The following RAP1B variants were observed in gnomAD, a reference collection of about 807,000 sequenced individuals.
The protein encoded by RAP1B is RAP1B, member of RAS oncogene family.
Under a neutral mutation model 27.5 loss-of-function variants are expected in RAP1B, and 1 was observed. That is an observed-to-expected ratio of 0.04 (90% CI 0.01 to 0.17). The LOEUF (loss-of-function observed/expected upper bound fraction) is 0.17. Among genes scored for constraint, RAP1B ranks in the 10% least tolerant of loss-of-function variants. The probability of loss-of-function intolerance (pLI) is 1.00; values close to 1 mark genes in which losing one functional copy is unlikely to be tolerated. For missense variants in RAP1B, 84 were observed against 214.8 expected (o/e 0.39, Z 3.81); for synonymous variants, 75 against 73.1 (o/e 1.03, Z -0.13).
chr12:68,642,657 A>C, intron 1 of RAP1B: 1 of 1,133,250 alleles, frequency 8.8e-7, no homozygotes, highest in Non-Finnish European at 1.3e-6. Flanking sequence ...TGTTTCTCAT[A>C]TTCTACAATC....
chr12:68,628,440 AG>A, intron 1 of RAP1B, among the ~76,000 whole-genome samples: 1 of 152,322 alleles, frequency 6.6e-6, no homozygotes, highest in Middle Eastern at 3.4e-3. Context: ...TAATTTTGTA[AG>A]TTGCTTGGTA....
At chr12:68,611,667 G>A (rs1023174035) in intron 1 of RAP1B, among the ~76,000 whole-genome samples, 2 of 152,168 alleles carry the variant, frequency 1.3e-5, no homozygotes, top group Admixed American at 1.3e-4. Flanking sequence ...GCGGGAAGTG[G>A]CAGGAGGAAG....
Position 68,643,041 on chromosome 12 carries a change from C to T in RAP1B, c.-26-5658C>T, listed in dbSNP as rs1287078214. 1.8e-5 allele frequency: 13 copies of T among 721,244 alleles called. No homozygotes were observed. In the East Asian group the frequency reaches 3.2e-4, roughly 18 times the overall value. The allele number at this position is 721,244 out of a possible 1,614,324, so 44.7% of individuals were successfully genotyped here. A position where few individuals can be genotyped will look rare whatever the true frequency, so the allele number is the denominator to read the frequency against. ...GGCTGCCCACGGTCCACTGCAGCCG[C>T]CTTTAACTTCTTGAAGGTTGTTCAT... On this transcript the variant is annotated intron_variant, in intron 1 of 7. Coordinates refer to ENST00000250559, the MANE Select transcript of RAP1B (RefSeq NM_001010942.3).
rs564014575 is a variant in RAP1B, at chr12:68,665,269, G to C, written c.*6020G>C. The C allele has an allele frequency of 6.6e-6, 1 of 152,378 alleles. No individual in the cohort carries two copies. The highest frequency in any genetic ancestry group is 6.5e-5 in the Admixed American group (1 of 15,306). 9.4% of individuals were successfully genotyped at this position (152,378 alleles called of 1,614,324 possible). On this transcript the variant is annotated 3_prime_UTR_variant, in exon 8 of 8. Coordinates refer to ENST00000250559, the MANE Select transcript of RAP1B (RefSeq NM_001010942.3). ...AAAGCAACAGATTTGCCAGCTGTGT[G>C]AAAGATAACCCAGAGAGGGGTAATG...
intron 1 of RAP1B, among the ~76,000 whole-genome samples, chr12:68,626,529 A>G (rs900847348): frequency 9.9e-5 from 15 of 152,126 alleles, no homozygotes; most frequent in African/African-American, 3.6e-4. Context: ...CTTTGGAGGT[A>G]GTGTCTCATT....
intron 3 of RAP1B, chr12:68,650,962 AAATAG>A (rs1873773298): frequency 6.6e-6 from 1 of 152,382 alleles, no homozygotes; most frequent in Admixed American, 6.5e-5. Flanking sequence ...ATACATAATG[AAATAG>A]AATGGGACCC....
chr12:68,657,775 T>TACACACAC (rs1874324514), intron 7 of RAP1B: 1 of 103,686 alleles, frequency 9.6e-6, no homozygotes, highest in Non-Finnish European at 2.0e-5. Context: ...CACACACACG[T>TACACACAC]GCGCGCGTGC....
chr12:68,632,696 T>G (rs1872353376), intron 1 of RAP1B, among the ~76,000 whole-genome samples: 1 of 152,082 alleles, frequency 6.6e-6, no homozygotes, highest in Non-Finnish European at 1.5e-5. Flanking sequence ...GAGTAAATGG[T>G]GGCAGTGGTT....
chr12:68,642,823 GTAGT>G, intron 1 of RAP1B: 1 of 1,008,052 alleles, frequency 9.9e-7, no homozygotes, highest in Non-Finnish European at 1.6e-6. Context: ...CGTTGGCCTT[GTAGT>G]AAGCCCAGTC....
chr12:68,637,305 A>G (rs1273748315), intron 1 of RAP1B, among the ~76,000 whole-genome samples: 1 of 152,236 alleles, frequency 6.6e-6, no homozygotes, highest in East Asian at 1.9e-4. Context: ...AGATTAAGAC[A>G]CCAGCCTAGA....
At chr12:68,629,685 A>G (rs913783552) in intron 1 of RAP1B, among the ~76,000 whole-genome samples, 3 of 152,148 alleles carry the variant, frequency 2.0e-5, no homozygotes, top group Non-Finnish European at 4.4e-5. Flanking sequence ...TATCATCCTC[A>G]TGAATGATCT....
chr12:68,654,717 T>A (rs1358734880), intron 5 of RAP1B, among the ~76,000 whole-genome samples: 2 of 152,054 alleles, frequency 1.3e-5, no homozygotes, highest in African/African-American at 4.8e-5. Context: ...GACCTTGTGA[T>A]CCGCCTGCCT....
chr12:68,666,532 C>T lies in RAP1B; in HGVS notation c.*7283C>T, dbSNP rs979172655. ...ATGGCATTATGCCACATCACATGTG[C>T]CTCTATCTTTGTATCTCCTCCTCTC... On this transcript the variant is annotated 3_prime_UTR_variant, in exon 8 of 8. Coordinates refer to ENST00000250559, the MANE Select transcript of RAP1B (RefSeq NM_001010942.3). 5 of 152,168 alleles carry T rather than the reference C, an allele frequency of 3.3e-5. No individual in the cohort carries two copies. The highest frequency in any genetic ancestry group is 1.2e-4 in the African/African-American group (5 of 41,436). The allele number at this position is 152,168 out of a possible 1,614,324, so 9.4% of individuals were successfully genotyped here. A position where few individuals can be genotyped will look rare whatever the true frequency, so the allele number is the denominator to read the frequency against.
chr12:68,646,399 G>A (rs138037438), intron 1 of RAP1B, among the ~76,000 whole-genome samples: 62 of 152,008 alleles, frequency 4.1e-4, no homozygotes, highest in African/African-American at 1.2e-3. Flanking sequence ...GGGTTCACTC[G>A]ATTCTCCTGC....
At chr12:68,636,585 A>G (rs1189970373) in intron 1 of RAP1B, among the ~76,000 whole-genome samples, 3 of 152,122 alleles carry the variant, frequency 2.0e-5, no homozygotes, top group African/African-American at 7.2e-5. Context: ...GTACCACCAC[A>G]CCCAGCTACT....
Position 68,657,024 on chromosome 12 carries a change from G to GT in RAP1B, c.469-71dup, listed in dbSNP as rs1874253419. 8 of 1,233,772 alleles carry GT rather than the reference G, an allele frequency of 6.5e-6. No individual in the cohort carries two copies. In the African/African-American group the frequency reaches 7.6e-5, roughly 12 times the overall value. The allele number at this position is 1,233,772 out of a possible 1,614,324, so 76.4% of individuals were successfully genotyped here. Reference sequence around the variant, plus strand: ...TTAATTTATATCCATGGAAATTTCTGTTTTTTCAATTTACTTTTTTCATTG... The same window carrying GT: ...TTAATTTATATCCATGGAAATTTCTGTTTTTTTCAATTTACTTTTTTCATTG... On this transcript the variant is annotated intron_variant, in intron 6 of 7. Coordinates refer to ENST00000250559, the MANE Select transcript of RAP1B (RefSeq NM_001010942.3).
chr12:68,654,335 G>A (rs1486534902), intron 5 of RAP1B, 83 bp downstream of exon 5: 14 of 295,976 alleles, frequency 4.7e-5, no homozygotes, highest in African/African-American at 1.1e-4. Context: ...TCATTTTAAA[G>A]CTTGTGTATT....
chr12:68,668,914 T>C lies in RAP1B; in HGVS notation c.*9665T>C, dbSNP rs1355157176. ...CATTGCTCTAAGCACTTTACATGTG[T>C]TGTTCAACCCTCAGCAATGCTATGA... is the stretch of plus-strand genomic sequence containing the variant. On this transcript the variant is annotated 3_prime_UTR_variant, in exon 8 of 8. Coordinates refer to ENST00000250559, the MANE Select transcript of RAP1B (RefSeq NM_001010942.3). 6.6e-6 allele frequency: 1 copy of C among 152,224 alleles called. No individual in the cohort carries two copies. Among genetic ancestry groups the C allele is most frequent in the East Asian group, 1.9e-4 (1 of 5,200 alleles). The allele number at this position is 152,224 out of a possible 1,614,324, so 9.4% of individuals were successfully genotyped here. A position where few individuals can be genotyped will look rare whatever the true frequency, so the allele number is the denominator to read the frequency against.
At chr12:68,615,848 T>C (rs978236573) in intron 1 of RAP1B, among the ~76,000 whole-genome samples, 1 of 152,208 alleles carries the variant, frequency 6.6e-6, no homozygotes, top group African/African-American at 2.4e-5. Context: ...AGCTGAATTC[T>C]GGTTTCATAA....
Sources: allele counts gnomAD v4.1 joint callset (sites outside exome capture counted in the v4.1 genomes callset), GRCh38; gene constraint gnomAD v4.1.1; transcripts MANE v1.5; gene names NCBI Gene and HGNC (gene_info 2026-07-23, HGNC 2026-07-21).